Variants in CNTN4 observed in about 807,000 individuals in gnomAD.
The protein encoded by CNTN4 is contactin-4.
CNTN4 carries 77 observed loss-of-function variants against 122.5 expected under a neutral mutation model. The ratio of observed to expected loss-of-function variants is 0.63; its 90% confidence interval spans 0.52 to 0.76. The LOEUF is 0.76. Among genes scored for constraint, CNTN4 ranks in the 30% least tolerant of loss-of-function variants. The pLI, the probability that CNTN4 is intolerant of heterozygous loss-of-function variation, is 0.00. For missense variants in CNTN4, 1,256 were observed against 1,259.1 expected (o/e 1.00, Z 0.04); for synonymous variants, 512 against 447.0 (o/e 1.15, Z -1.83).
intron 2 of CNTN4, among the ~76,000 whole-genome samples, chr3:2,128,905 T>G (rs2125263762): frequency 6.6e-6 from 1 of 152,310 alleles, no homozygotes; most frequent in African/African-American, 2.4e-5. Flanking sequence ...AGGAGCTAGA[T>G]TTTGGTTTTA....
At chr3:2,321,374 AAAT>A (rs974277826) in intron 2 of CNTN4, among the ~76,000 whole-genome samples, 117 of 152,204 alleles carry the variant, frequency 7.7e-4, no homozygotes, top group African/African-American at 2.7e-3. Context: ...CTTTAAATGG[AAAT>A]AATAAGGCTG....
At chr3:2,835,338 A>C (rs1202691796) in intron 7 of CNTN4, among the ~76,000 whole-genome samples, 1 of 152,220 alleles carries the variant, frequency 6.6e-6, no homozygotes, top group Non-Finnish European at 1.5e-5. Context: ...AGAAATTACT[A>C]ATGCATATTT....
At chr3:2,909,114 A>C (rs1182319634) in intron 12 of CNTN4, among the ~76,000 whole-genome samples, 1 of 152,216 alleles carries the variant, frequency 6.6e-6, no homozygotes, top group Non-Finnish European at 1.5e-5. Flanking sequence ...CTGATTTCTC[A>C]ACTGCCTCGT....
intron 2 of CNTN4, among the ~76,000 whole-genome samples, chr3:2,150,358 T>C (rs1011934105): frequency 5.9e-5 from 9 of 152,250 alleles, no homozygotes; most frequent in Non-Finnish European, 1.2e-4. Context: ...AAGCAACTTA[T>C]TTCTTAACGT....
chr3:3,037,993 T>A (rs1269391217), intron 18 of CNTN4, among the ~76,000 whole-genome samples: 2 of 152,102 alleles, frequency 1.3e-5, no homozygotes, highest in Non-Finnish European at 2.9e-5. Context: ...TTTTATAGAG[T>A]TCCCGCCTGT....
chr3:2,560,347 G>T lies in CNTN4; in HGVS notation c.-88-11069G>T, dbSNP rs538410053. Reference sequence around the variant, plus strand: ...AGTAGATATGGGGTTTCACCATGTTGCTCAGGCTGGTCTCGAATTTCTGGG... The same window carrying T: ...AGTAGATATGGGGTTTCACCATGTTTCTCAGGCTGGTCTCGAATTTCTGGG... On this transcript the variant is annotated intron_variant, in intron 3 of 24. Transcript: ENST00000418658. 1.3e-3 allele frequency among the ~76,000 whole-genome samples: 200 copies of T among 152,046 alleles called. 1 individual carries two copies. The highest frequency in any genetic ancestry group is 2.5e-4 in the Non-Finnish European group (17 of 68,000).
chr3:2,155,344 A>C (rs114190649), intron 2 of CNTN4, among the ~76,000 whole-genome samples: 9 of 152,154 alleles, frequency 5.9e-5, no homozygotes, highest in African/African-American at 2.2e-4. Flanking sequence ...CTGGTGCCAC[A>C]GGACATGTGA....
chr3:2,287,738 A>G lies in CNTN4; in HGVS notation c.-144-51440A>G, dbSNP rs188287499. The stretch of plus-strand genomic sequence containing the variant: ...AAGAAGAAGAAGAAGAAGAAGAAGA[A>G]GAAGAAGAAGAAGAAGAAGAAGAAG... On this transcript the variant is annotated intron_variant, in intron 2 of 24. Transcript: ENST00000418658. Among the ~76,000 whole-genome samples the G allele has an allele frequency of 5.8e-3, 689 of 118,798 alleles. 8 individuals are homozygous for G. Among genetic ancestry groups the G allele is most frequent in the Non-Finnish European group, 6.8e-3 (358 of 52,446 alleles). 77.9% of individuals were successfully genotyped at this position (118,798 alleles called of 152,430 possible). A position where few individuals can be genotyped will look rare whatever the true frequency, so the allele number is the denominator to read the frequency against.
chr3:2,196,981 G>T (rs1393615300), intron 2 of CNTN4, among the ~76,000 whole-genome samples: 1 of 149,558 alleles, frequency 6.7e-6, no homozygotes, highest in Non-Finnish European at 1.5e-5. Flanking sequence ...GGAGGCAGAG[G>T]TTACGGTGAG....
chr3:2,384,136 C>T (rs1172201232), intron 3 of CNTN4, among the ~76,000 whole-genome samples: 1 of 152,092 alleles, frequency 6.6e-6, no homozygotes, highest in Non-Finnish European at 1.5e-5. Context: ...ATGAATTGAG[C>T]TTACAGCATG....
At chr3:2,131,528 G>A (rs969712512) in intron 2 of CNTN4, among the ~76,000 whole-genome samples, 1 of 152,174 alleles carries the variant, frequency 6.6e-6, no homozygotes, top group Admixed American at 6.5e-5. Context: ...TTGAGCTTGT[G>A]TTGCTGTTAG....
chr3:2,138,436 A>G (rs998999626), intron 2 of CNTN4, among the ~76,000 whole-genome samples: 1 of 152,090 alleles, frequency 6.6e-6, no homozygotes, highest in East Asian at 1.9e-4. Context: ...GGCAGCTGAC[A>G]TGGCTAATTT....
intron 2 of CNTN4, among the ~76,000 whole-genome samples, chr3:2,312,871 C>T (rs574867956): frequency 3.3e-5 from 5 of 151,578 alleles, no homozygotes; most frequent in African/African-American, 7.3e-5. Context: ...GTGTGCTGTT[C>T]GTTGCTATGA....
intron 2 of CNTN4, among the ~76,000 whole-genome samples, chr3:2,255,644 C>A (rs1245909360): frequency 6.6e-6 from 1 of 152,144 alleles, no homozygotes; most frequent in African/African-American, 2.4e-5. Context: ...TCACTCAAAA[C>A]CGCACAACTA....
intron 2 of CNTN4, among the ~76,000 whole-genome samples, chr3:2,283,375 A>G (rs1426925566): frequency 6.6e-6 from 1 of 152,124 alleles, no homozygotes; most frequent in Non-Finnish European, 1.5e-5. Flanking sequence ...TTAACTTAGT[A>G]TGTATTCCAG....
chr3:2,919,048 G>T (rs184168684), intron 12 of CNTN4, among the ~76,000 whole-genome samples: 2 of 152,066 alleles, frequency 1.3e-5, no homozygotes, highest in East Asian at 1.9e-4. Context: ...ACAAAAGAAA[G>T]ATTGTTGCTT....
chr3:2,857,720 G>A (rs968058669), intron 7 of CNTN4, among the ~76,000 whole-genome samples: 1 of 152,204 alleles, frequency 6.6e-6, no homozygotes, highest in Non-Finnish European at 1.5e-5. Context: ...CTGAGTAGCT[G>A]CGACTACAGG....
intron 4 of CNTN4, among the ~76,000 whole-genome samples, chr3:2,641,726 T>G (rs1257690675): frequency 6.6e-6 from 1 of 152,178 alleles, no homozygotes; most frequent in Non-Finnish European, 1.5e-5. Context: ...TTTGGTATCA[T>G]GGAGGTGAAT....
chr3:2,649,560 A>C (rs1289978428), intron 4 of CNTN4, among the ~76,000 whole-genome samples: 3 of 152,212 alleles, frequency 2.0e-5, no homozygotes, highest in Non-Finnish European at 4.4e-5. Flanking sequence ...CTCAGAAAAA[A>C]AGATTCCTTT....
Sources: gnomAD v4.1 joint callset for allele counts (sites outside exome capture counted in the v4.1 genomes callset) on GRCh38, gnomAD v4.1.1 for gene constraint, MANE v1.5 for transcripts, NCBI Gene and HGNC (gene_info 2026-07-23, HGNC 2026-07-21) for gene names.